Variants in ZBTB38 observed in about 807,000 individuals in gnomAD.
ZBTB38 encodes zinc finger and BTB domain containing 38.
ZBTB38 carries 20 observed loss-of-function variants against 76.8 expected under a neutral mutation model. That is an observed-to-expected ratio of 0.26 (90% CI 0.18 to 0.38). The LOEUF (loss-of-function observed/expected upper bound fraction) is 0.38. ZBTB38 is among the 10% of genes least tolerant of loss of function. The pLI is 1.00. For missense variants in ZBTB38, 1,082 were observed against 1,482.3 expected (o/e 0.73, Z 4.43); for synonymous variants, 504 against 544.2 (o/e 0.93, Z 1.03).
intron 5 of ZBTB38, among the ~76,000 whole-genome samples, chr3:141,439,466 A>G (rs1271869921): frequency 6.6e-6 from 1 of 152,220 alleles, no homozygotes; most frequent in Admixed American, 6.5e-5. Context: ...GTTAAGTATG[A>G]CTACAATATT....
At chr3:141,401,984 T>C (rs1369199240) in intron 4 of ZBTB38, among the ~76,000 whole-genome samples, 2 of 152,260 alleles carry the variant, frequency 1.3e-5, no homozygotes, top group Non-Finnish European at 2.9e-5. Flanking sequence ...GTGCATAGTC[T>C]CGAACAGGAG....
chr3:141,376,255 T>C (rs1320879571), intron 2 of ZBTB38, among the ~76,000 whole-genome samples: 2 of 152,148 alleles, frequency 1.3e-5, no homozygotes, highest in African/African-American at 2.4e-5. Flanking sequence ...AAATCAACTT[T>C]AGTTTCCTCC....
At position 141,382,211 on chromosome 3, in the gene ZBTB38, C is replaced by T. The variant is rs377745920; in HGVS notation, c.-172+724C>T. ...CCCACCTGGGCAACATAGCGAGACT[C>T]TGTCTCAAGAGAACCCAAAACCAAA... On this transcript the variant is annotated intron_variant, in intron 3 of 5. Coordinates refer to ENST00000321464, the MANE Select transcript of ZBTB38 (RefSeq NM_001376113.1). Among the ~76,000 whole-genome samples, 113 of 152,310 alleles carry T rather than the reference C, an allele frequency of 7.4e-4. 1 individual carries two copies. Among genetic ancestry groups the T allele is most frequent in the African/African-American group, 2.6e-3 (108 of 41,578 alleles).
At chr3:141,434,181 T>G (rs1405383026) in intron 5 of ZBTB38, 2 of 985,012 alleles carry the variant, frequency 2.0e-6, no homozygotes, top group African/African-American at 3.5e-5. Context: ...AACTAGAAAT[T>G]CCAGAGGAAC....
intron 4 of ZBTB38, chr3:141,388,550 A>G (rs1445433761): frequency 1.3e-5 from 2 of 152,288 alleles, no homozygotes; most frequent in East Asian, 1.9e-4. Context: ...AAATAATTTC[A>G]TGAGCTCTTT....
At chr3:141,410,850 C>A (rs1405838117) in intron 5 of ZBTB38, among the ~76,000 whole-genome samples, 2 of 152,166 alleles carry the variant, frequency 1.3e-5, no homozygotes, top group African/African-American at 4.8e-5. Flanking sequence ...GAGGAAGACC[C>A]AGCTTGCGCA....
At chr3:141,399,987 CTTT>C (rs557587979) in intron 4 of ZBTB38, among the ~76,000 whole-genome samples, 8 of 80,458 alleles carry the variant, frequency 9.9e-5, no homozygotes, top group African/African-American at 2.7e-4. Flanking sequence ...GAAAGTCTTG[CTTT>C]TTTTTTTTTT....
intron 5 of ZBTB38, chr3:141,427,613 T>G (rs993543336): frequency 6.6e-6 from 1 of 152,286 alleles, no homozygotes; most frequent in Non-Finnish European, 1.5e-5. Flanking sequence ...TGCTGACCAG[T>G]CTCCACTCTG....
chr3:141,412,216 T>C (rs1288541857), intron 5 of ZBTB38, among the ~76,000 whole-genome samples: 1 of 152,200 alleles, frequency 6.6e-6, no homozygotes, highest in Non-Finnish European at 1.5e-5. Flanking sequence ...CTATGATTTA[T>C]GTTACTGGTC....
intron 5 of ZBTB38, among the ~76,000 whole-genome samples, chr3:141,408,786 C>T (rs376732855): frequency 1.1e-4 from 16 of 152,258 alleles, no homozygotes; most frequent in South Asian, 6.2e-4. Flanking sequence ...CATTTTAAAA[C>T]GATGTCAGCA....
rs1253741597 is a variant in ZBTB38, at chr3:141,406,068, A to C, written c.-1+2037A>C. 1.3e-3 allele frequency among the ~76,000 whole-genome samples: 203 copies of C among 152,322 alleles called. 1 individual carries two copies. Among genetic ancestry groups the C allele is most frequent in the African/African-American group, 4.5e-3 (188 of 41,570 alleles). ...TGGAGCATATTCAGGGAAAAGCATCAAGTCCAACTGAGTTAGAACTGGTCT... is the reference window on the plus strand; with the variant it reads ...TGGAGCATATTCAGGGAAAAGCATCCAGTCCAACTGAGTTAGAACTGGTCT... On this transcript the variant is annotated intron_variant, in intron 5 of 5. Transcript: ENST00000321464.
intron 4 of ZBTB38, chr3:141,387,609 G>A (rs918258720): frequency 5.3e-5 from 8 of 152,176 alleles, no homozygotes; most frequent in African/African-American, 1.7e-4. Flanking sequence ...TCTCAGAGGA[G>A]GAAGGGGAAA....
At position 141,442,847 on chromosome 3, in the gene ZBTB38, T is replaced by G; in HGVS notation, c.459T>G (p.His153Gln). 6.2e-7 allele frequency: 1 copy of G among 1,614,192 alleles called. No individual in the cohort carries two copies. Among genetic ancestry groups the G allele is most frequent in the Non-Finnish European group, 8.5e-7 (1 of 1,180,032 alleles). ...VVKEEKNEKR[H>Q]EEPAITNGPR... Reference sequence around the variant, plus strand: ...AAGAAGAAAAAAATGAAAAAAGGCATGAAGAACCAGCCATCACTAATGGGC... The same window carrying G: ...AAGAAGAAAAAAATGAAAAAAGGCAGGAAGAACCAGCCATCACTAATGGGC... The change falls in exon 6 of 6, where the codon CAT (histidine) becomes CAG (glutamine). Residue 153 changes from histidine to glutamine, a missense_variant. By Grantham distance (24) the His-to-Gln change is conservative (BLOSUM62 0). Around this residue, in one of 8 missense-constraint regions of ZBTB38, gnomAD observed 34 missense variants for 40.4 expected, o/e 0.84. Transcript: ENST00000321464. The surrounding 1 kb of genome is among the most constrained non-coding windows in gnomAD (Gnocchi z 6.4).
At chr3:141,429,644 G>C (rs1247516234) in intron 5 of ZBTB38, among the ~76,000 whole-genome samples, 1 of 152,198 alleles carries the variant, frequency 6.6e-6, no homozygotes, top group East Asian at 1.9e-4. Flanking sequence ...GGCAACGACG[G>C]GTGATAATTG....
chr3:141,361,526 C>G (rs963060494), intron 1 of ZBTB38, among the ~76,000 whole-genome samples: 1 of 152,152 alleles, frequency 6.6e-6, no homozygotes, highest in African/African-American at 2.4e-5. Flanking sequence ...CAAGGACTTG[C>G]GTCTGACCCA....
At chr3:141,337,810 C>T (rs913526624) in intron 1 of ZBTB38, among the ~76,000 whole-genome samples, 25 of 152,270 alleles carry the variant, frequency 1.6e-4, no homozygotes, top group African/African-American at 5.3e-4. Flanking sequence ...ATTACTAGCT[C>T]ATTTTTGCAG....
intron 1 of ZBTB38, among the ~76,000 whole-genome samples, chr3:141,346,458 C>T (rs1043122812): frequency 6.6e-6 from 1 of 152,128 alleles, no homozygotes; most frequent in African/African-American, 2.4e-5. Context: ...TCCCTTCTAC[C>T]CATTTTTGTT....
At chr3:141,340,949 G>GGAAAGAAA (rs56095613) in intron 1 of ZBTB38, among the ~76,000 whole-genome samples, 24,170 of 111,502 alleles carry the variant, frequency 0.22, 2,915 homozygotes, top group Admixed American at 0.26. Context: ...AAAGAAAGAA[G>GGAAAGAAA]GAAAGAAAGA....
chr3:141,413,429 C>G lies in ZBTB38; in HGVS notation c.-1+9398C>G, dbSNP rs906071035. ...CAGTTCTGAGGATTCCTTGTGGGTA[C>G]TTGTGATCTTGGTGGAGATGCTTCA... On this transcript the variant is annotated intron_variant, in intron 5 of 5. Transcript: ENST00000321464. This position sits in a 1 kb window ranked among gnomAD's most constrained non-coding sequence, Gnocchi z 4.1. 2.0e-5 allele frequency among the ~76,000 whole-genome samples: 3 copies of G among 152,174 alleles called. No individual in the cohort carries two copies. Among genetic ancestry groups the G allele is most frequent in the African/African-American group, 7.2e-5 (3 of 41,434 alleles).
Sources: allele counts gnomAD v4.1 joint callset (sites outside exome capture counted in the v4.1 genomes callset), GRCh38; gene constraint gnomAD v4.1.1; regional missense constraint gnomAD v4.1.1; non-coding constraint Gnocchi (gnomAD v3.1); transcripts MANE v1.5; gene names NCBI Gene and HGNC (gene_info 2026-07-23, HGNC 2026-07-21).